Variants in OSBPL1A observed in about 807,000 individuals in gnomAD.
OSBPL1A encodes the protein oxysterol-binding protein-related protein 1.
OSBPL1A carries 80 observed loss-of-function variants against 137.1 expected under a neutral mutation model. The ratio of observed to expected loss-of-function variants is 0.58; its 90% CI spans 0.49 to 0.70. The LOEUF (loss-of-function observed/expected upper bound fraction) is 0.70, where lower values mean the gene tolerates loss of function less well. OSBPL1A is among the 30% of genes least tolerant of loss of function. The pLI is 0.00. For synonymous variants in OSBPL1A, 365 were observed against 389.7 expected (o/e 0.94, Z 0.75); for missense variants, 970 against 1,129.4 (o/e 0.86, Z 2.02).
intron 2 of OSBPL1A, 92 bp from the exon 3 acceptor site, chr18:24,368,464 C>A: frequency 1.1e-6 from 1 of 944,474 alleles, no homozygotes; most frequent in South Asian, 1.4e-5. Flanking sequence ...CCTCAATAAT[C>A]TCCTTTGCAA....
At chr18:24,171,707 C>A (rs1022324552) in intron 22 of OSBPL1A, among the ~76,000 whole-genome samples, 3 of 152,294 alleles carry the variant, frequency 2.0e-5, no homozygotes, top group African/African-American at 4.8e-5. Flanking sequence ...GAATACATGA[C>A]TTGCCTAAGG....
Position 24,170,323 on chromosome 18 carries a change from T to TCA in OSBPL1A, c.2418+2_2418+3dup. The TCA allele has an allele frequency of 6.2e-7, 1 of 1,614,148 alleles. No individual in the cohort carries two copies. The highest frequency in any genetic ancestry group is 1.3e-5 in the African/African-American group (1 of 75,052). ...CCTTCGATACCACCTTACAGGATGT[T>TCA]CACCTGTTTGCTGTTCTTCTTCTCT... On this transcript the variant is annotated splice_donor_region_variant and intron_variant, in intron 24 of 27. Transcript: ENST00000319481.
intron 25 of OSBPL1A, 75 bp downstream of exon 25, chr18:24,167,254 C>T: frequency 7.2e-7 from 1 of 1,387,842 alleles, no homozygotes; most frequent in Non-Finnish European, 1.0e-6. Context: ...CTGGGCCGAC[C>T]CTACACGTGC....
chr18:24,310,949 A>G (rs1405552025), intron 13 of OSBPL1A, among the ~76,000 whole-genome samples: 1 of 152,158 alleles, frequency 6.6e-6, no homozygotes, highest in Non-Finnish European at 1.5e-5. Context: ...GCTGTAGTAG[A>G]TGTTACCTTT....
chr18:24,375,314 C>CAA (rs61252568), intron 2 of OSBPL1A, among the ~76,000 whole-genome samples: 18 of 41,718 alleles, frequency 4.3e-4, no homozygotes, highest in East Asian at 3.3e-3. Context: ...AACCCTGTCT[C>CAA]AAAAAAAAAA....
intron 15 of OSBPL1A, among the ~76,000 whole-genome samples, chr18:24,252,197 G>C (rs2089117313): frequency 6.6e-6 from 1 of 152,098 alleles, no homozygotes; most frequent in South Asian, 2.1e-4. Flanking sequence ...TTAAGAAAGA[G>C]ATCAACATTC....
intron 16 of OSBPL1A, among the ~76,000 whole-genome samples, chr18:24,237,307 G>GT (rs552668578): frequency 3.3e-4 from 50 of 151,316 alleles, no homozygotes; most frequent in East Asian, 2.5e-3. Flanking sequence ...TTTTTTAAAG[G>GT]TTTTTTTTTG....
chr18:24,267,637 T>C (rs2089610498), intron 15 of OSBPL1A, among the ~76,000 whole-genome samples: 2 of 152,100 alleles, frequency 1.3e-5, no homozygotes, highest in Non-Finnish European at 2.9e-5. Context: ...CTGGAAACAG[T>C]CCAAATATAT....
chr18:24,397,513 C>G (rs1890794847), intron 1 of OSBPL1A, 142 bp downstream of exon 1: 1 of 152,314 alleles, frequency 6.6e-6, no homozygotes, highest in African/African-American at 2.4e-5. Flanking sequence ...CGCCACGACC[C>G]GACCATCCTC....
rs192851581 is a variant in OSBPL1A, at chr18:24,308,417, G to A, written c.1092+3567C>T. 2.0e-3 allele frequency among the ~76,000 whole-genome samples: 302 copies of A among 150,598 alleles called. 1 individual carries two copies. The highest frequency in any genetic ancestry group is 3.2e-3 in the Non-Finnish European group (217 of 67,804). On this transcript the variant is annotated intron_variant, in intron 13 of 27. Coordinates refer to ENST00000319481, the MANE Select transcript of OSBPL1A (RefSeq NM_080597.4). ...AAATTTGTTTTTAAGATGGGGATTC[G>A]CCATGTTGCCCAGGATAGTCTGGAA...
intron 7 of OSBPL1A, among the ~76,000 whole-genome samples, chr18:24,321,040 A>AAAAAAG (rs1555650633): frequency 7.5e-5 from 11 of 146,102 alleles, no homozygotes; most frequent in Non-Finnish European, 1.1e-4. Flanking sequence ...AAAAAAAAAA[A>AAAAAAG]AAAAAGAAAA....
intron 16 of OSBPL1A, among the ~76,000 whole-genome samples, chr18:24,229,781 C>T (rs1422395438): frequency 6.6e-6 from 1 of 151,398 alleles, no homozygotes; most frequent in South Asian, 2.1e-4. Flanking sequence ...GACGAAGCCT[C>T]GCTCTGTCAC....
chr18:24,363,756 C>T (rs1037472258), intron 4 of OSBPL1A, among the ~76,000 whole-genome samples: 1 of 152,020 alleles, frequency 6.6e-6, no homozygotes, highest in Admixed American at 6.5e-5. Context: ...ATCCTCCAAC[C>T]TCAGCCTCCC....
intron 1 of OSBPL1A, among the ~76,000 whole-genome samples, chr18:24,397,157 CTCAT>C (rs1907806870): frequency 6.6e-6 from 1 of 152,262 alleles, no homozygotes. Flanking sequence ...CAGCTGCGCT[CTCAT>C]TCAGTTTCAG....
rs777089133 is a variant in OSBPL1A at position 24,341,708 on chromosome 18, A to T, written c.283-50T>A. 7.6e-5 allele frequency: 98 copies of T among 1,287,874 alleles called. 1 individual carries two copies. The Admixed American group carries it at 1.6e-3, about 21-fold the overall frequency. The allele number at this position is 1,287,874 out of a possible 1,614,324, so 79.8% of individuals were successfully genotyped here. ...AACTATTAAGCTAAGATTTTATTGC[A>T]TTACCACCCTTTTCCAAATTACTAA... On this transcript the variant is annotated intron_variant, in intron 4 of 27. Coordinates refer to ENST00000319481, the MANE Select transcript of OSBPL1A (RefSeq NM_080597.4).
intron 2 of OSBPL1A, 125 bp downstream of exon 2, chr18:24,377,287 TG>T: frequency 8.6e-7 from 1 of 1,167,914 alleles, no homozygotes; most frequent in Non-Finnish European, 1.2e-6. Context: ...CTCCAATCTG[TG>T]GGGTTCTTCC....
At chr18:24,335,349 T>C (rs548616971) in intron 5 of OSBPL1A, among the ~76,000 whole-genome samples, 1 of 152,280 alleles carries the variant, frequency 6.6e-6, no homozygotes, top group East Asian at 1.9e-4. Context: ...CAAGAGGTTA[T>C]GGAATTTAAC....
intron 13 of OSBPL1A, among the ~76,000 whole-genome samples, chr18:24,309,282 A>G (rs891528239): frequency 1.3e-5 from 2 of 152,194 alleles, no homozygotes; most frequent in African/African-American, 4.8e-5. Context: ...GACTTGTTTT[A>G]TAGAATTATA....
chr18:24,349,543 A>G (rs1450911601), intron 4 of OSBPL1A, among the ~76,000 whole-genome samples: 1 of 152,174 alleles, frequency 6.6e-6, no homozygotes, highest in Non-Finnish European at 1.5e-5. Flanking sequence ...GTTTTGTTAC[A>G]TGGCACAGTC....
Sources: allele counts gnomAD v4.1 joint callset (sites outside exome capture counted in the v4.1 genomes callset), GRCh38; gene constraint gnomAD v4.1.1; transcripts MANE v1.5; gene names NCBI Gene and HGNC (gene_info 2026-07-23, HGNC 2026-07-21).